The following C10orf67 variants were observed in gnomAD, a reference collection of about 807,000 sequenced individuals.
C10orf67 encodes uncharacterized protein C10orf67, mitochondrial.
Under a neutral mutation model 35.6 loss-of-function variants are expected in C10orf67, and 60 were observed. The observed-to-expected ratio is 1.68, with a 90% CI of 1.37 to 2.09. The LOEUF (loss-of-function observed/expected upper bound fraction) is 2.09, where lower values mean the gene tolerates loss of function less well. Ranked by LOEUF, C10orf67 falls within the 30% of genes most tolerant of loss-of-function variation. C10orf67 has a pLI of 0.00. For missense variants in C10orf67, 474 were observed against 330.2 expected (o/e 1.44, Z -3.38); for synonymous variants, 167 against 115.8 (o/e 1.44, Z -2.84).
chr10:23,330,657 G>A (rs1011138395), intron 2 of C10orf67, among the ~76,000 whole-genome samples: 1 of 151,500 alleles, frequency 6.6e-6, no homozygotes, highest in Non-Finnish European at 1.5e-5. Flanking sequence ...GGTGAATGGC[G>A]TGAACCTGAG....
rs1006799205 is a variant in C10orf67 at position 23,203,042 on chromosome 10, T to G, written c.*1131A>C. 4 of 152,176 alleles carry G rather than the reference T, an allele frequency of 2.6e-5. No individual in the cohort carries two copies. Among genetic ancestry groups the G allele is most frequent in the Non-Finnish European group, 5.9e-5 (4 of 68,040 alleles). The allele number at this position is 152,176 out of a possible 1,614,324, so 9.4% of individuals were successfully genotyped here. A position where few individuals can be genotyped will look rare whatever the true frequency, so the allele number is the denominator to read the frequency against. On this transcript the variant is annotated 3_prime_UTR_variant, in exon 16 of 16. Coordinates refer to ENST00000636213, the MANE Select transcript of C10orf67 (RefSeq NM_001371909.1). ...CTACTTACTAATTAAGCCAATTCAT[T>G]TCTAAAGGAGAAAAATTCCTTTCTT...
At chr10:23,242,425 A>G (rs572212096) in intron 12 of C10orf67, among the ~76,000 whole-genome samples, 196 of 152,358 alleles carry the variant, frequency 1.3e-3, no homozygotes, top group Non-Finnish European at 2.0e-3. Context: ...AAAATGAAGA[A>G]ACAAAAAATG....
At chr10:23,312,112 T>C (rs1844524032) in intron 4 of C10orf67, among the ~76,000 whole-genome samples, 1 of 152,226 alleles carries the variant, frequency 6.6e-6, no homozygotes, top group African/African-American at 2.4e-5. Context: ...TTAATACATG[T>C]TATACTCCTT....
intron 15 of C10orf67, among the ~76,000 whole-genome samples, chr10:23,211,827 T>A (rs181168318): frequency 6.6e-6 from 1 of 152,190 alleles, no homozygotes; most frequent in South Asian, 2.1e-4. Context: ...GAGTTCATGA[T>A]TTAGGACTCC....
At chr10:23,325,179 A>G (rs1265323433) in intron 2 of C10orf67, among the ~76,000 whole-genome samples, 1 of 152,104 alleles carries the variant, frequency 6.6e-6, no homozygotes, top group Non-Finnish European at 1.5e-5. Flanking sequence ...TCTACAAAAA[A>G]TTTAAAAATT....
At chr10:23,232,718 A>G (rs1413603543) in intron 13 of C10orf67, among the ~76,000 whole-genome samples, 1 of 152,208 alleles carries the variant, frequency 6.6e-6, no homozygotes, top group Non-Finnish European at 1.5e-5. Context: ...TTTCCAAAAA[A>G]TGTCAAGGAA....
chr10:23,211,440 C>T (rs2132086222), intron 15 of C10orf67, among the ~76,000 whole-genome samples: 1 of 139,884 alleles, frequency 7.1e-6, no homozygotes. Context: ...AAAGTCTCAA[C>T]ATATTTTTGT....
intron 4 of C10orf67, among the ~76,000 whole-genome samples, chr10:23,313,208 G>GT (rs1191335664): frequency 1.3e-5 from 2 of 152,234 alleles, no homozygotes; most frequent in African/African-American, 4.8e-5. Context: ...AATGTGGACT[G>GT]TAATTGCTAA....
intron 12 of C10orf67, among the ~76,000 whole-genome samples, chr10:23,250,072 G>A (rs1842408192): frequency 6.6e-6 from 1 of 152,198 alleles, no homozygotes; most frequent in Admixed American, 6.5e-5. Flanking sequence ...GTCTGGTAGA[G>A]GATCTGATAC....
intron 13 of C10orf67, among the ~76,000 whole-genome samples, chr10:23,236,278 A>G (rs1842050138): frequency 1.5e-5 from 2 of 129,288 alleles, no homozygotes; most frequent in African/African-American, 5.8e-5. Flanking sequence ...AAAAAAAAAA[A>G]AAAAATTAGC....
intron 10 of C10orf67, among the ~76,000 whole-genome samples, chr10:23,256,376 T>C (rs1842600748): frequency 6.6e-6 from 1 of 152,026 alleles, no homozygotes; most frequent in Non-Finnish European, 1.5e-5. Flanking sequence ...ATTCCAACAC[T>C]AAAAACAAGA....
chr10:23,336,248 A>G (rs1330487424), intron 1 of C10orf67, among the ~76,000 whole-genome samples: 2 of 152,150 alleles, frequency 1.3e-5, no homozygotes, highest in Non-Finnish European at 2.9e-5. Context: ...AGAGTAGACT[A>G]GAAAGTTCTC....
chr10:23,251,246 T>C (rs1176999824), intron 10 of C10orf67, among the ~76,000 whole-genome samples: 1 of 152,192 alleles, frequency 6.6e-6, no homozygotes, highest in Non-Finnish European at 1.5e-5. Flanking sequence ...GCAACCAAAA[T>C]TGATCTTCAT....
chr10:23,329,449 CA>C lies in C10orf67; in HGVS notation c.327+3612del, dbSNP rs142863720. On this transcript the variant is annotated intron_variant, in intron 2 of 15. Transcript: ENST00000636213. ...TAAAAATAAGCACAGTTTTACATGC[CA>C]GTTCTAACAAACATTGAAGAAATAG... Among the ~76,000 whole-genome samples the C allele has an allele frequency of 4.7e-4, 72 of 152,130 alleles. 1 individual carries two copies. In the East Asian group the frequency reaches 0.013, roughly 28 times the overall value.
intron 14 of C10orf67, 39 bp downstream of exon 14, chr10:23,223,705 A>C (rs1044482043): frequency 4.2e-6 from 3 of 716,958 alleles, no homozygotes; most frequent in African/African-American, 3.5e-5. Context: ...AATAATATTA[A>C]CTCAGTAAAT....
intron 1 of C10orf67, among the ~76,000 whole-genome samples, chr10:23,338,349 C>T (rs1845764204): frequency 6.6e-6 from 1 of 152,158 alleles, no homozygotes; most frequent in African/African-American, 2.4e-5. Flanking sequence ...GAGTGTCTAA[C>T]TAGTCAACAG....
At chr10:23,295,835 T>A (rs1843864775) in intron 5 of C10orf67, among the ~76,000 whole-genome samples, 1 of 152,192 alleles carries the variant, frequency 6.6e-6, no homozygotes, top group Admixed American at 6.5e-5. Context: ...TATACAAAAA[T>A]TAATATTCAA....
intron 2 of C10orf67, among the ~76,000 whole-genome samples, chr10:23,327,694 G>A (rs868513725): frequency 2.0e-5 from 3 of 151,874 alleles, no homozygotes; most frequent in Non-Finnish European, 1.5e-5. Flanking sequence ...GCGTGGTGGC[G>A]TGCCCCTGTA....
intron 13 of C10orf67, among the ~76,000 whole-genome samples, chr10:23,233,502 T>C (rs1256526723): frequency 6.6e-6 from 1 of 152,212 alleles, no homozygotes; most frequent in East Asian, 1.9e-4. Context: ...AGTCATGATT[T>C]TTAAAAAGTA....
Sources: allele counts gnomAD v4.1 joint callset (sites outside exome capture counted in the v4.1 genomes callset), GRCh38; gene constraint gnomAD v4.1.1; transcripts MANE v1.5; gene names NCBI Gene and HGNC (gene_info 2026-07-23, HGNC 2026-07-21).